Variants in KCNB2 observed in about 807,000 individuals in gnomAD.
KCNB2 encodes potassium voltage-gated channel subfamily B member 2, also known as delayed rectifier potassium channel protein.
KCNB2 carries 15 observed loss-of-function variants against 61.5 expected under a neutral mutation model. That is an observed-to-expected ratio of 0.24 (90% CI 0.16 to 0.38). The LOEUF (loss-of-function observed/expected upper bound fraction) is 0.38, where lower values mean the gene tolerates loss of function less well. KCNB2 is among the 10% of genes least tolerant of loss of function. The pLI, the probability that KCNB2 is intolerant of heterozygous loss-of-function variation, is 1.00. For synonymous variants in KCNB2, 457 were observed against 446.0 expected (o/e 1.02, Z -0.31); for missense variants, 828 against 1,125.2 (o/e 0.74, Z 3.78).
intron 2 of KCNB2, among the ~76,000 whole-genome samples, chr8:72,735,627 C>T (rs1807830809): frequency 6.6e-6 from 1 of 152,066 alleles, no homozygotes; most frequent in Admixed American, 6.6e-5. Context: ...TATGTTCTCT[C>T]CAGGTATTAA....
At chr8:72,853,576 A>G in intron 2 of KCNB2, among the ~76,000 whole-genome samples, 1 of 152,200 alleles carries the variant, frequency 6.6e-6, no homozygotes, top group East Asian at 1.9e-4. Context: ...CAATTTCTTT[A>G]TCTGTAAAAT....
intron 2 of KCNB2, among the ~76,000 whole-genome samples, chr8:72,615,178 T>C (rs1266067570): frequency 1.3e-5 from 2 of 152,214 alleles, no homozygotes; most frequent in Non-Finnish European, 2.9e-5. Context: ...TAATTACATA[T>C]AGTGGATACA....
chr8:72,558,873 G>A (rs1311379110), intron 1 of KCNB2, among the ~76,000 whole-genome samples: 1 of 152,166 alleles, frequency 6.6e-6, no homozygotes, highest in Non-Finnish European at 1.5e-5. Context: ...CGTCAGGGAG[G>A]TCAGGGGACA....
intron 2 of KCNB2, among the ~76,000 whole-genome samples, chr8:72,904,202 A>C (rs1286396545): frequency 1.3e-5 from 2 of 152,190 alleles, no homozygotes; most frequent in African/African-American, 4.8e-5. Flanking sequence ...GCTTACAGAT[A>C]AGTATAGCAT....
chr8:72,665,063 C>T lies in KCNB2; in HGVS notation c.579+96750C>T, dbSNP rs1009476676. ...AGAACATCTAGGCCCAGGTAGGCACCAGCATTTACTCCATATCAGCTGGAA... is the reference window on the plus strand; with the variant it reads ...AGAACATCTAGGCCCAGGTAGGCACTAGCATTTACTCCATATCAGCTGGAA... On this transcript the variant is annotated intron_variant, in intron 2 of 2. Transcript: ENST00000523207. 2.0e-5 allele frequency among the ~76,000 whole-genome samples: 3 copies of T among 152,266 alleles called. No individual in the cohort carries two copies. The South Asian group carries it at 6.2e-4, about 32-fold the overall frequency.
intron 2 of KCNB2, among the ~76,000 whole-genome samples, chr8:72,679,378 A>G (rs1240847999): frequency 6.6e-6 from 1 of 152,194 alleles, no homozygotes; most frequent in Admixed American, 6.5e-5. Context: ...ATGTCTGGCA[A>G]GAGCCTTTCA....
At chr8:72,825,704 ATGTC>A (rs1372542830) in intron 2 of KCNB2, among the ~76,000 whole-genome samples, 1 of 152,138 alleles carries the variant, frequency 6.6e-6, no homozygotes, top group Non-Finnish European at 1.5e-5. Context: ...CTTTGGAGAA[ATGTC>A]TGTCTAATTT....
chr8:72,909,091 A>G (rs771339463), intron 2 of KCNB2, among the ~76,000 whole-genome samples: 1 of 152,148 alleles, frequency 6.6e-6, no homozygotes, highest in East Asian at 1.9e-4. Context: ...ATTGATGTGG[A>G]TATGGCCACT....
chr8:72,547,398 C>A (rs116900122), intron 1 of KCNB2, among the ~76,000 whole-genome samples: 2,772 of 152,266 alleles, frequency 0.018, 55 homozygotes, highest in South Asian at 0.078. Context: ...AGTGATTCCT[C>A]TGATAGATCT....
intron 2 of KCNB2, among the ~76,000 whole-genome samples, chr8:72,890,929 G>A (rs567078213): frequency 1.3e-5 from 2 of 152,332 alleles, no homozygotes; most frequent in East Asian, 3.9e-4. Flanking sequence ...TTTTAAGACT[G>A]CCTTAGAGAA....
intron 2 of KCNB2, among the ~76,000 whole-genome samples, chr8:72,916,044 A>T (rs1035892368): frequency 3.3e-5 from 5 of 152,160 alleles, no homozygotes; most frequent in Non-Finnish European, 7.4e-5. Context: ...GTAAGTGAAA[A>T]TATCACTGAA....
At chr8:72,685,189 T>C (rs925234321) in intron 2 of KCNB2, among the ~76,000 whole-genome samples, 1 of 152,168 alleles carries the variant, frequency 6.6e-6, no homozygotes, top group African/African-American at 2.4e-5. Flanking sequence ...TGAATTTGTA[T>C]TCATATAGAA....
chr8:72,844,229 T>C (rs1809945101), intron 2 of KCNB2, among the ~76,000 whole-genome samples: 1 of 152,216 alleles, frequency 6.6e-6, no homozygotes, highest in African/African-American at 2.4e-5. Context: ...AATTCTGGGT[T>C]GAAAATTCTT....
At chr8:72,630,767 A>T (rs1160287452) in intron 2 of KCNB2, among the ~76,000 whole-genome samples, 1 of 152,162 alleles carries the variant, frequency 6.6e-6, no homozygotes, top group African/African-American at 2.4e-5. Flanking sequence ...CAACTATCAG[A>T]TTTGTCAGCG....
In KCNB2 at chr8:72,936,771, C is replaced by T. The variant is rs981589757; in HGVS notation, c.1416C>T (p.Ala472=). 1.3e-5 allele frequency: 21 copies of T among 1,614,132 alleles called. No homozygotes were observed. Among genetic ancestry groups the T allele is most frequent in the East Asian group, 2.2e-5 (1 of 44,880 alleles). The change falls in exon 3 of 3, where the codon GCC becomes GCT. Residue 472 remains alanine (A), a synonymous_variant. Coordinates refer to ENST00000523207, the MANE Select transcript of KCNB2 (RefSeq NM_004770.3). The surrounding 1 kb of genome is among the most constrained non-coding windows in gnomAD (Gnocchi z 5.6). ...TGATAGATGTGGCTGTTGAGAAGGC[C>T]GGAGAGTCCGCCAACACAAAGGACT... is the stretch of plus-strand genomic sequence containing the variant. ...MELIDVAVEK[A]GESANTKDSA...
At chr8:72,637,544 T>A (rs1252684284) in intron 2 of KCNB2, among the ~76,000 whole-genome samples, 1 of 152,064 alleles carries the variant, frequency 6.6e-6, no homozygotes, top group Non-Finnish European at 1.5e-5. Flanking sequence ...GGATATAGAA[T>A]GAGGAAATGT....
At chr8:72,584,827 A>G (rs982962016) in intron 2 of KCNB2, among the ~76,000 whole-genome samples, 8 of 152,162 alleles carry the variant, frequency 5.3e-5, no homozygotes, top group Non-Finnish European at 1.2e-4. Flanking sequence ...TACCATCTGG[A>G]GCCCAGATTT....
intron 2 of KCNB2, among the ~76,000 whole-genome samples, chr8:72,656,889 C>T (rs1424080761): frequency 6.6e-6 from 1 of 152,026 alleles, no homozygotes; most frequent in Non-Finnish European, 1.5e-5. Context: ...CATTATCGGG[C>T]TACCAGAAAG....
intron 2 of KCNB2, among the ~76,000 whole-genome samples, chr8:72,784,964 A>T (rs922594702): frequency 5.9e-5 from 9 of 152,148 alleles, no homozygotes; most frequent in African/African-American, 2.2e-4. Context: ...TGTGTGTTCT[A>T]CAGATGGCAG....
Sources: allele counts gnomAD v4.1 joint callset (sites outside exome capture counted in the v4.1 genomes callset), GRCh38; gene constraint gnomAD v4.1.1; non-coding constraint Gnocchi (gnomAD v3.1); transcripts MANE v1.5; gene names NCBI Gene and HGNC (gene_info 2026-07-23, HGNC 2026-07-21).